FREM1: variants seen among roughly 807,000 people sequenced by gnomAD.
The protein encoded by FREM1 is FRAS1-related extracellular matrix protein 1.
In FREM1, 220 loss-of-function variants were observed where a neutral mutation model predicts 210.1. The observed-to-expected ratio is 1.05, with a 90% CI of 0.94 to 1.17. The LOEUF (loss-of-function observed/expected upper bound fraction) is 1.17. Among genes scored for constraint, FREM1 ranks in the 50% most tolerant of loss-of-function variants. FREM1 has a pLI of 0.00. For missense variants in FREM1, 3,454 were observed against 2,675.5 expected, an observed-to-expected ratio of 1.29 and a Z score of -6.42; for synonymous variants, 1,189 against 980.2, an observed-to-expected ratio of 1.21 and a Z score of -3.98.
intron 1 of FREM1, among the ~76,000 whole-genome samples, chr9:14,874,823 A>G (rs1052879073): frequency 6.6e-6 from 1 of 152,174 alleles, no homozygotes; most frequent in South Asian, 2.1e-4. Flanking sequence ...TCCTTTCCAT[A>G]TTTAGTGCTT....
In FREM1 at chr9:14,816,832, T is replaced by C. The variant is rs766827003; in HGVS notation, c.2586A>G (p.Leu862=). 46 of 1,440,494 alleles carry C rather than the reference T, an allele frequency of 3.2e-5. No individual in the cohort carries two copies. Among genetic ancestry groups the C allele is most frequent in the Non-Finnish European group, 3.8e-5 (41 of 1,067,270 alleles). The allele number at this position is 1,440,494 out of a possible 1,614,324, so 89.2% of individuals were successfully genotyped here. A position where few individuals can be genotyped will look rare whatever the true frequency, so the allele number is the denominator to read the frequency against. ...TTGTGCCATCGGTGACCTCCAAGAGTAGGTCATCCTGAAGAACTTCAGTTC... is the reference window on the plus strand; with the variant it reads ...TTGTGCCATCGGTGACCTCCAAGAGCAGGTCATCCTGAAGAACTTCAGTTC... ...HDGTEVLQDD[L]LLEVTDGTNS... Residue 862 remains leucine, a synonymous_variant, in exon 15 of 37, where the codon CTA becomes CTG. Coordinates refer to ENST00000380880, the MANE Select transcript of FREM1 (RefSeq NM_001379081.2).
intron 8 of FREM1, among the ~76,000 whole-genome samples, chr9:14,845,459 C>G (rs1826430541): frequency 6.6e-6 from 1 of 152,142 alleles, no homozygotes. Context: ...CGCCCGCCAC[C>G]ATGCCCGGCT....
chr9:14,862,334 T>C (rs1830740290), intron 3 of FREM1, among the ~76,000 whole-genome samples: 1 of 152,188 alleles, frequency 6.6e-6, no homozygotes. Context: ...TACATTAGTC[T>C]AATGCTTAAA....
intron 27 of FREM1, among the ~76,000 whole-genome samples, chr9:14,764,121 C>T (rs529347731): frequency 1.3e-4 from 20 of 152,280 alleles, no homozygotes; most frequent in East Asian, 7.7e-4. Flanking sequence ...ATAAGTCTCA[C>T]GAGATCTGAT....
intron 27 of FREM1, among the ~76,000 whole-genome samples, chr9:14,760,376 A>G (rs1451421303): frequency 6.6e-6 from 1 of 152,226 alleles, no homozygotes; most frequent in African/African-American, 2.4e-5. Context: ...GTTCAGTTTA[A>G]TAACAAAATA....
intron 1 of FREM1, among the ~76,000 whole-genome samples, chr9:14,899,175 G>A (rs1322934089): frequency 2.6e-5 from 4 of 152,068 alleles, no homozygotes; most frequent in Non-Finnish European, 5.9e-5. Context: ...TCTCTTCTGG[G>A]GATCTCCTGA....
Position 14,797,483 on chromosome 9 carries a change from T to G in FREM1, c.3839+15A>C, listed in dbSNP as rs1852650929. On this transcript the variant is annotated intron_variant, in intron 21 of 36. Coordinates refer to ENST00000380880, the MANE Select transcript of FREM1 (RefSeq NM_001379081.2). ...TGTATAGAAATCTGAAAGGGACTCT[T>G]TTCAGGTAGCTTACTTGCTCAGCAT... The G allele has an allele frequency of 6.3e-7, 1 of 1,597,846 alleles. No homozygotes were observed. Among genetic ancestry groups the G allele is most frequent in the East Asian group, 2.2e-5 (1 of 44,662 alleles).
chr9:14,841,452 G>T lies in FREM1; in HGVS notation c.1876C>A (p.Pro626Thr). The T allele has an allele frequency of 1.2e-6, 2 of 1,602,172 alleles. No homozygotes were observed. The highest frequency in any genetic ancestry group is 1.7e-6 in the Non-Finnish European group (2 of 1,172,088). ...DSHEPPNLSV[P>T]QVATIHITPV... ...GTTCAGAAACAGTCTCTTACCTGTG[G>T]CACTGAAAGATTTGGAGGTTCATGG... The change falls in exon 10 of 37, where the codon CCA (proline) becomes ACA (threonine). Residue 626 changes from proline to threonine, a missense_variant. Transcript: ENST00000380880.
At chr9:14,844,232 T>TC (rs1263012343) in intron 8 of FREM1, among the ~76,000 whole-genome samples, 2 of 151,694 alleles carry the variant, frequency 1.3e-5, no homozygotes, top group Non-Finnish European at 2.9e-5. Flanking sequence ...TTCCTTTTTT[T>TC]TTTTTTTTCT....
intron 1 of FREM1, among the ~76,000 whole-genome samples, chr9:14,874,966 T>C (rs1344305311): frequency 2.6e-5 from 4 of 152,218 alleles, no homozygotes; most frequent in African/African-American, 9.6e-5. Flanking sequence ...GGTTGAAAAT[T>C]CTTTTCTTTA....
chr9:14,774,570 A>C (rs2132593262), intron 25 of FREM1, among the ~76,000 whole-genome samples: 1 of 146,678 alleles, frequency 6.8e-6, no homozygotes, highest in South Asian at 2.1e-4. Context: ...TCTCAGAGCA[A>C]GGAAAAATGT....
chr9:14,792,993 A>G (rs967020631), intron 21 of FREM1, 109 bp from the exon 22 acceptor site: 1 of 667,352 alleles, frequency 1.5e-6, no homozygotes, highest in Non-Finnish European at 2.4e-6. Context: ...TTAAGGAATG[A>G]CATTCAATAT....
Position 14,884,836 on chromosome 9 carries a change from G to T in FREM1, c.-267-15592C>A, listed in dbSNP as rs574519421. On this transcript the variant is annotated intron_variant, in intron 1 of 36. Coordinates refer to ENST00000380880, the MANE Select transcript of FREM1 (RefSeq NM_001379081.2). ...TCTTCCTCTCTGGAATTTTGCAATG[G>T]TAGCTACCCAACACAAGGCAAGTGC... Among the ~76,000 whole-genome samples, 4 of 150,412 alleles carry T rather than the reference G, an allele frequency of 2.7e-5. No homozygotes were observed. The South Asian group carries it at 8.4e-4, about 32-fold the overall frequency.
intron 32 of FREM1, 58 bp from the exon 33 acceptor site, chr9:14,747,486 CA>C (rs763290862): frequency 2.0e-6 from 3 of 1,512,822 alleles, no homozygotes; most frequent in East Asian, 2.3e-5. Flanking sequence ...AGATAGCAAA[CA>C]AAAAAATGAG....
intron 16 of FREM1, among the ~76,000 whole-genome samples, chr9:14,812,424 G>C (rs1234822843): frequency 1.3e-5 from 2 of 152,144 alleles, no homozygotes; most frequent in Non-Finnish European, 2.9e-5. Flanking sequence ...GTGGTGATCA[G>C]TAAGCTTTGC....
In FREM1 at chr9:14,842,637, C is replaced by T. The variant is rs778504184; in HGVS notation, c.1417G>A (p.Val473Met). 6.2e-6 allele frequency: 10 copies of T among 1,613,422 alleles called. No individual in the cohort carries two copies. Among genetic ancestry groups the T allele is most frequent in the East Asian group, 2.2e-5 (1 of 44,888 alleles). The change falls in exon 9 of 37, where the codon GTG becomes ATG. Residue 473 changes from valine to methionine, a missense_variant. Physicochemically the swap from Val to Met is conservative, Grantham distance 21 (BLOSUM62 1). Transcript: ENST00000380880. Reference protein sequence around the residue: ...LRGGKGFLFTVADLQAGVVRY... With the variant: ...LRGGKGFLFTMADLQAGVVRY... Reference sequence around the variant, plus strand: ...ACAACTCCAGCCTGGAGGTCAGCCACGGTGAAGAGAAACCCTTTCCCCCCT... The same window carrying T: ...ACAACTCCAGCCTGGAGGTCAGCCATGGTGAAGAGAAACCCTTTCCCCCCT...
At chr9:14,875,986 A>G (rs898000251) in intron 1 of FREM1, among the ~76,000 whole-genome samples, 1 of 152,212 alleles carries the variant, frequency 6.6e-6, no homozygotes, top group Non-Finnish European at 1.5e-5. Flanking sequence ...GCTGCAGAAC[A>G]GCGGATTTTC....
intron 36 of FREM1, among the ~76,000 whole-genome samples, chr9:14,739,686 C>G (rs1163816365): frequency 1.3e-5 from 2 of 151,250 alleles, no homozygotes; most frequent in Non-Finnish European, 2.9e-5. Flanking sequence ...ATGGAATACA[C>G]TTTACATTTT....
intron 5 of FREM1, 83 bp from the exon 6 acceptor site, chr9:14,851,690 T>C: frequency 8.9e-7 from 1 of 1,125,566 alleles, no homozygotes; most frequent in African/African-American, 1.5e-5. Context: ...TAATATTTAA[T>C]ACAGCCACAG....
Sources: gnomAD v4.1 joint callset for allele counts (sites outside exome capture counted in the v4.1 genomes callset) on GRCh38, gnomAD v4.1.1 for gene constraint, MANE v1.5 for transcripts, NCBI Gene and HGNC (gene_info 2026-07-23, HGNC 2026-07-21) for gene names.